AGMO: variants seen among roughly 807,000 people sequenced by gnomAD.
AGMO encodes the protein alkylglycerol monooxygenase, also known as glyceryl-ether monooxygenase.
AGMO carries 75 observed loss-of-function variants against 60.2 expected under a neutral mutation model. That is an observed-to-expected ratio of 1.25 (90% CI 1.03 to 1.51). The LOEUF is 1.51. Among genes scored for constraint, AGMO ranks in the 40% most tolerant of loss-of-function variants. AGMO has a pLI of 0.00. For synonymous variants in AGMO, 261 were observed against 177.1 expected, an observed-to-expected ratio of 1.47 and a Z score of -3.76; for missense variants, 763 against 525.5, an observed-to-expected ratio of 1.45 and a Z score of -4.42.
chr7:15,290,997 G>A (rs1314879029), intron 12 of AGMO, among the ~76,000 whole-genome samples: 6 of 151,880 alleles, frequency 4.0e-5, no homozygotes, highest in African/African-American at 7.3e-5. Flanking sequence ...CCGTTTTTTC[G>A]AAAGTGCATT....
chr7:15,265,382 A>G, intron 12 of AGMO, among the ~76,000 whole-genome samples: 1 of 152,052 alleles, frequency 6.6e-6, no homozygotes, highest in African/African-American at 2.4e-5. Flanking sequence ...CCCAAGCCTC[A>G]GCATCACGCA....
At chr7:15,306,401 G>A (rs1780615128) in intron 12 of AGMO, 1 of 378,000 alleles carries the variant, frequency 2.6e-6, no homozygotes. Context: ...TTATTTTCAA[G>A]CTACAAAAAA....
intron 3 of AGMO, among the ~76,000 whole-genome samples, chr7:15,484,835 T>C (rs1171027297): frequency 6.6e-6 from 1 of 152,090 alleles, no homozygotes; most frequent in Non-Finnish European, 1.5e-5. Flanking sequence ...AGAAATAATA[T>C]CACATACTTT....
intron 3 of AGMO, among the ~76,000 whole-genome samples, chr7:15,475,370 G>A (rs377316482): frequency 2.6e-5 from 4 of 152,158 alleles, no homozygotes; most frequent in South Asian, 2.1e-4. Flanking sequence ...CACAAAAAAG[G>A]ATGAGTTCAT....
intron 5 of AGMO, among the ~76,000 whole-genome samples, chr7:15,415,095 T>C (rs538440423): frequency 2.0e-5 from 3 of 152,096 alleles, no homozygotes; most frequent in African/African-American, 7.2e-5. Flanking sequence ...TCTTAGAGAA[T>C]ATTTAAAAAA....
chr7:15,268,082 T>C (rs1334537663), intron 12 of AGMO, among the ~76,000 whole-genome samples: 1 of 151,510 alleles, frequency 6.6e-6, no homozygotes, highest in African/African-American at 2.4e-5. Context: ...AACATTAATA[T>C]GATACCAAGA....
chr7:15,234,040 C>T (rs1782342032), intron 12 of AGMO, among the ~76,000 whole-genome samples: 1 of 152,168 alleles, frequency 6.6e-6, no homozygotes, highest in South Asian at 2.1e-4. Context: ...CAGAGCAAGA[C>T]TTCGTCTCAA....
At chr7:15,376,552 A>G (rs1383004402) in intron 10 of AGMO, among the ~76,000 whole-genome samples, 1 of 152,120 alleles carries the variant, frequency 6.6e-6, no homozygotes, top group Admixed American at 6.5e-5. Flanking sequence ...AACTTGAAAT[A>G]TATCATCAAA....
intron 5 of AGMO, among the ~76,000 whole-genome samples, chr7:15,416,831 T>G (rs1780787699): frequency 6.6e-6 from 1 of 152,180 alleles, no homozygotes; most frequent in Non-Finnish European, 1.5e-5. Flanking sequence ...TATTAATCTG[T>G]GTATTAACTC....
chr7:15,531,515 ATATATATTC>A (rs1784354260), intron 3 of AGMO, among the ~76,000 whole-genome samples: 4 of 48,104 alleles, frequency 8.3e-5, no homozygotes, highest in South Asian at 1.3e-3. Flanking sequence ...TATATTCTCT[ATATATATTC>A]TATATATATT....
At chr7:15,206,778 G>A (rs1015148226) in intron 12 of AGMO, among the ~76,000 whole-genome samples, 3 of 151,872 alleles carry the variant, frequency 2.0e-5, no homozygotes, top group Non-Finnish European at 2.9e-5. Flanking sequence ...TAAACATAAC[G>A]CAATCAAGTT....
chr7:15,561,938 A>G lies in AGMO; in HGVS notation c.-93T>C. 1 of 1,349,324 alleles carries G rather than the reference A, an allele frequency of 7.4e-7. No individual in the cohort carries two copies. 83.6% of individuals were successfully genotyped at this position (1,349,324 alleles called of 1,614,324 possible). On this transcript the variant is annotated 5_prime_UTR_variant, in exon 1 of 13. Transcript: ENST00000342526. The stretch of plus-strand genomic sequence containing the variant: ...AAAGAGGACGAGATGTGCAGCTCAG[A>G]ACAAGCTCTTTGTCAGAGAACAGCT...
At chr7:15,156,726 G>A in the AGMO span, among the ~76,000 whole-genome samples, 110,971 of 151,960 alleles carry the variant, frequency 0.73, 40,980 homozygotes, top group East Asian at 0.98. Flanking sequence ...TTTCAGCTTG[G>A]GGTCTGTATC....
At chr7:15,354,393 T>G (rs371741637) in intron 12 of AGMO, among the ~76,000 whole-genome samples, 3,571 of 40,582 alleles carry the variant, frequency 0.088, 346 homozygotes, top group African/African-American at 0.2. Context: ...CGTGTGTGTA[T>G]ACACGTGTGT....
At chr7:15,135,781 C>G in the AGMO span, among the ~76,000 whole-genome samples, 3 of 151,698 alleles carry the variant, frequency 2.0e-5, no homozygotes, top group Non-Finnish European at 2.9e-5. Context: ...AATATTCCAA[C>G]TTTAAACAAA....
chr7:15,260,182 A>G lies in AGMO; in HGVS notation c.1264-58823T>C, dbSNP rs1783226212. On this transcript the variant is annotated intron_variant, in intron 12 of 12. Coordinates refer to ENST00000342526, the MANE Select transcript of AGMO (RefSeq NM_001004320.2). ...AATTCACCAAGCAAGTGATCACACA[A>G]CTGCACTCCAGCCTGGGTGACAGAG... Among the ~76,000 whole-genome samples the G allele has an allele frequency of 2.0e-5, 3 of 150,920 alleles. No homozygotes were observed. The South Asian group carries it at 6.3e-4, about 32-fold the overall frequency.
intron 12 of AGMO, chr7:15,358,248 C>G (rs1782618229): frequency 3.9e-6 from 1 of 254,010 alleles, no homozygotes; most frequent in East Asian, 1.2e-4. Context: ...TTGAATAGAT[C>G]AATAAAAATT....
At chr7:15,182,209 T>C in the AGMO span, among the ~76,000 whole-genome samples, 2 of 152,076 alleles carry the variant, frequency 1.3e-5, no homozygotes, top group Admixed American at 6.6e-5. Context: ...AAGAGGGAAG[T>C]GGGGAGTTAG....
the AGMO span, among the ~76,000 whole-genome samples, chr7:15,119,150 C>G: frequency 1.3e-5 from 2 of 151,744 alleles, no homozygotes; most frequent in African/African-American, 2.4e-5. Flanking sequence ...TGTGTCCCCA[C>G]CCAAATCTCA....
Sources: gnomAD v4.1 joint callset for allele counts (sites outside exome capture counted in the v4.1 genomes callset) on GRCh38, gnomAD v4.1.1 for gene constraint, MANE v1.5 for transcripts, NCBI Gene and HGNC (gene_info 2026-07-23, HGNC 2026-07-21) for gene names.